The following RASSF3 variants were observed in gnomAD, a reference collection of about 807,000 sequenced individuals.
RASSF3 encodes ras association domain-containing protein 3.
RASSF3 carries 19 observed loss-of-function variants against 19.9 expected under a neutral mutation model. That is an observed-to-expected ratio of 0.96 (90% CI 0.67 to 1.40). The LOEUF (loss-of-function observed/expected upper bound fraction) is 1.40, where lower values mean the gene tolerates loss of function less well. Among genes scored for constraint, RASSF3 ranks in the 40% most tolerant of loss-of-function variants. RASSF3 has a pLI of 0.00. For synonymous variants in RASSF3, 110 were observed against 104.2 expected, an observed-to-expected ratio of 1.06 and a Z score of -0.34; for missense variants, 306 against 289.8, an observed-to-expected ratio of 1.06 and a Z score of -0.41.
intron 2 of RASSF3, among the ~76,000 whole-genome samples, chr12:64,551,884 T>A (rs1045891382): frequency 6.6e-6 from 1 of 152,174 alleles, no homozygotes; most frequent in Non-Finnish European, 1.5e-5. Flanking sequence ...TTTTCCAAAA[T>A]ATTTTCAGTT....
At chr12:64,553,318 C>A (rs1017394148) in intron 2 of RASSF3, among the ~76,000 whole-genome samples, 7 of 152,150 alleles carry the variant, frequency 4.6e-5, no homozygotes, top group African/African-American at 1.7e-4. Context: ...TGTCTAAGTG[C>A]AGAACTGCTG....
intron 2 of RASSF3, among the ~76,000 whole-genome samples, chr12:64,589,278 C>G (rs1003676493): frequency 6.6e-6 from 1 of 151,954 alleles, no homozygotes; most frequent in African/African-American, 2.4e-5. Context: ...GGTGAAACCC[C>G]ATCTCTACTA....
At chr12:64,607,971 G>C (rs916162020), upstream of RASSF3, among the ~76,000 whole-genome samples, 1 of 151,814 alleles carries the variant, frequency 6.6e-6, no homozygotes. Context: ...GTCTCATTTT[G>C]TTGCCCAGGC....
At chr12:64,541,588 A>G in exon 2 of RASSF3, 1 of 398,594 alleles carries the variant, frequency 2.5e-6, no homozygotes. Context: ...CAGAGGGTAA[A>G]TATATATGTC....
At chr12:64,522,904 C>T (rs1220152247) in intron 1 of RASSF3, among the ~76,000 whole-genome samples, 10 of 152,130 alleles carry the variant, frequency 6.6e-5, no homozygotes. Context: ...TCTCCCACTC[C>T]TCCGGGCTGC....
At chr12:64,647,730 T>A (rs1159324430) in intron 1 of RASSF3, among the ~76,000 whole-genome samples, 1 of 151,726 alleles carries the variant, frequency 6.6e-6, no homozygotes, top group East Asian at 1.9e-4. Context: ...TATTTTTTTT[T>A]ATAGAGACAG....
At chr12:64,668,271 C>CTTCTTCTTCTTCTTCTTT (rs543668924) in intron 1 of RASSF3, among the ~76,000 whole-genome samples, 1 of 147,148 alleles carries the variant, frequency 6.8e-6, no homozygotes. Context: ...TCTTCTTCTT[C>CTTCTTCTTCTTCTTCTTT]TTTTTTTTTT....
At chr12:64,580,421 C>T (rs997380412) in intron 2 of RASSF3, among the ~76,000 whole-genome samples, 2 of 151,896 alleles carry the variant, frequency 1.3e-5, no homozygotes, top group Non-Finnish European at 2.9e-5. Flanking sequence ...TCAACAGAGC[C>T]GGCACAGTGG....
At chr12:64,544,812 C>T, downstream of RASSF3, among the ~76,000 whole-genome samples, 1 of 152,152 alleles carries the variant, frequency 6.6e-6, no homozygotes, top group Admixed American at 6.5e-5. Flanking sequence ...CTTCACTGCC[C>T]TCTGACCAAT....
At chr12:64,539,882 A>C (rs983990580) in intron 1 of RASSF3, among the ~76,000 whole-genome samples, 1 of 152,248 alleles carries the variant, frequency 6.6e-6, no homozygotes, top group Admixed American at 6.5e-5. Context: ...ACTTATTATT[A>C]AATCAGTTAA....
chr12:64,517,590 G>T, intron 1 of RASSF3, among the ~76,000 whole-genome samples: 1 of 151,580 alleles, frequency 6.6e-6, no homozygotes, highest in African/African-American at 2.4e-5. Flanking sequence ...CAGAAAAGTA[G>T]GTATACTGTA....
chr12:64,598,257 A>G (rs772603223), intron 2 of RASSF3, among the ~76,000 whole-genome samples: 1 of 152,162 alleles, frequency 6.6e-6, no homozygotes, highest in Non-Finnish European at 1.5e-5. Flanking sequence ...ACTTTGGCTT[A>G]TATTTTGACA....
chr12:64,543,031 A>G (rs1367127299), downstream of RASSF3, among the ~76,000 whole-genome samples: 2 of 111,392 alleles, frequency 1.8e-5, no homozygotes, highest in Non-Finnish European at 4.0e-5. Context: ...CGGGCCCCGC[A>G]CTTGGAGTGG....
At chr12:64,557,070 C>T (rs1477920770) in intron 2 of RASSF3, among the ~76,000 whole-genome samples, 2 of 152,078 alleles carry the variant, frequency 1.3e-5, no homozygotes, top group African/African-American at 4.8e-5. Flanking sequence ...CTCCTGACCT[C>T]AGGTGATCCG....
At chr12:64,555,369 G>A (rs1869238948) in intron 2 of RASSF3, among the ~76,000 whole-genome samples, 1 of 152,162 alleles carries the variant, frequency 6.6e-6, no homozygotes, top group Non-Finnish European at 1.5e-5. Context: ...ATACACCACT[G>A]TGCCCAGCTA....
chr12:64,684,854 A>C lies in RASSF3; in HGVS notation c.179A>C (p.Lys60Thr). ...GAGGAGATCAAAGAGAAAGTTCATA[A>C]ATACAACTTAGCAGTCACAGACAAG... Reference protein sequence around the residue: ...SKEEIKEKVHKYNLAVTDKLK... With the variant: ...SKEEIKEKVHTYNLAVTDKLK... The change falls in exon 2 of 5, where the codon AAA (lysine) becomes ACA (threonine). Residue 60 changes from lysine (K) to threonine (T), a missense_variant. By Grantham distance (78) the Lys-to-Thr change is moderately conservative. Transcript: ENST00000542104. 1 of 1,613,606 alleles carries C rather than the reference A, an allele frequency of 6.2e-7. No individual in the cohort carries two copies.
chr12:64,689,599 C>G (rs1565872641), intron 3 of RASSF3, among the ~76,000 whole-genome samples: 2 of 152,260 alleles, frequency 1.3e-5, no homozygotes, highest in Admixed American at 6.5e-5. Flanking sequence ...GCCTGCTCAC[C>G]TGGACTTTAG....
chr12:64,565,890 A>AT (rs955160305), intron 2 of RASSF3, among the ~76,000 whole-genome samples: 3 of 151,104 alleles, frequency 2.0e-5, no homozygotes, highest in Non-Finnish European at 4.4e-5. Context: ...CTCAGAAAAA[A>AT]AAAAAAAAAA....
In RASSF3 at chr12:64,576,300, A is replaced by G. The variant is rs145357061; in HGVS notation, c.294+34595A>G. On this transcript the variant is annotated intron_variant, in intron 2 of 5. Coordinates refer to the RASSF3 transcript ENST00000637125. ...GTGGTGCCCTTGAATGGTCTTTTTAATAAATCCTTCTGGAACGGTTGAATA... is the reference window on the plus strand; with the variant it reads ...GTGGTGCCCTTGAATGGTCTTTTTAGTAAATCCTTCTGGAACGGTTGAATA... Among the ~76,000 whole-genome samples the G allele has an allele frequency of 4.4e-3, 668 of 152,288 alleles. 20 individuals carry two copies. Among genetic ancestry groups the G allele is most frequent in the Admixed American group, 0.041 (630 of 15,270 alleles).
Sources: gnomAD v4.1 joint callset for allele counts (sites outside exome capture counted in the v4.1 genomes callset) on GRCh38, gnomAD v4.1.1 for gene constraint, MANE v1.5 for transcripts, NCBI Gene and HGNC (gene_info 2026-07-23, HGNC 2026-07-21) for gene names.